OPRD1: variants seen among roughly 807,000 people sequenced by gnomAD.
OPRD1 encodes opioid receptor delta 1, also known as delta-type opioid receptor.
Under a neutral mutation model 17.5 loss-of-function variants are expected in OPRD1, and 19 were observed. The observed-to-expected ratio is 1.09, with a 90% confidence interval of 0.76 to 1.60. The LOEUF is 1.60. Ranked by LOEUF, OPRD1 falls within the 40% of genes most tolerant of loss-of-function variation. The pLI, the probability that OPRD1 is intolerant of heterozygous loss-of-function variation, is 0.00. For synonymous variants in OPRD1, 256 were observed against 240.9 expected (o/e 1.06, Z -0.58); for missense variants, 483 against 547.2 (o/e 0.88, Z 1.17).
At chr1:28,861,297 A>C (rs2089115439) in intron 2 of OPRD1, among the ~76,000 whole-genome samples, 1 of 152,024 alleles carries the variant, frequency 6.6e-6, no homozygotes, top group Non-Finnish European at 1.5e-5. Context: ...AGAATCCCAC[A>C]ACACCCCCTA....
At chr1:28,838,955 C>T (rs982320358) in intron 1 of OPRD1, among the ~76,000 whole-genome samples, 3 of 152,032 alleles carry the variant, frequency 2.0e-5, no homozygotes, top group Non-Finnish European at 4.4e-5. Flanking sequence ...GGCTGAAGTG[C>T]AATGGCTATT....
At chr1:28,823,947 G>A (rs866794742) in intron 1 of OPRD1, among the ~76,000 whole-genome samples, 15 of 148,146 alleles carry the variant, frequency 1.0e-4, no homozygotes, top group African/African-American at 3.2e-4. Flanking sequence ...GGAGGCTGAG[G>A]TGGGTGGATC....
intron 1 of OPRD1, among the ~76,000 whole-genome samples, chr1:28,855,323 C>T (rs2089046301): frequency 6.6e-6 from 1 of 152,108 alleles, no homozygotes; most frequent in Non-Finnish European, 1.5e-5. Flanking sequence ...TGGGAGCGGG[C>T]TTGACGTGTC....
rs1167412795 is a variant in OPRD1 at position 28,863,523 on chromosome 1, C to A, written c.*240C>A. Reference sequence around the variant, plus strand: ...CGCAGTGCCTCTGGTCTGGGTGCCCCGTCCACGGCTCTAGGTGGGGCGGGA... The same window carrying A: ...CGCAGTGCCTCTGGTCTGGGTGCCCAGTCCACGGCTCTAGGTGGGGCGGGA... On this transcript the variant is annotated 3_prime_UTR_variant, in exon 3 of 3. Transcript: ENST00000234961. The A allele has an allele frequency of 8.8e-6, 4 of 455,058 alleles. No homozygotes were observed. Among genetic ancestry groups the A allele is most frequent in the East Asian group, 3.7e-5 (1 of 27,226 alleles). 28.2% of individuals were successfully genotyped at this position (455,058 alleles called of 1,614,324 possible).
intron 1 of OPRD1, among the ~76,000 whole-genome samples, chr1:28,853,075 G>A (rs952355132): frequency 6.6e-6 from 1 of 152,214 alleles, no homozygotes; most frequent in Non-Finnish European, 1.5e-5. Flanking sequence ...AGGATGGAGA[G>A]AGGAACAATT....
At position 28,863,150 on chromosome 1, in the gene OPRD1, T is replaced by TC; in HGVS notation, c.988dup (p.Arg330ProfsTer56). On this transcript the variant is annotated frameshift_variant, in exon 3 of 3. Transcript: ENST00000234961. LOFTEE classifies it low-confidence loss of function (END_TRUNC). ...CTCGACGAGAACTTCAAGCGCTGCT[T>TC]CCGCCAGCTCTGCCGCAAGCCCTGC... The TC allele has an allele frequency of 6.2e-7, 1 of 1,606,300 alleles. No homozygotes were observed. The highest frequency in any genetic ancestry group is 8.5e-7 in the Non-Finnish European group (1 of 1,178,734).
intron 1 of OPRD1, among the ~76,000 whole-genome samples, chr1:28,841,488 T>G (rs1056869298): frequency 1.7e-4 from 26 of 152,232 alleles, no homozygotes; most frequent in Non-Finnish European, 3.7e-4. Context: ...CTGTGTGTTT[T>G]GGGTGAGCAT....
Position 28,867,804 on chromosome 1 carries a change from A to C in OPRD1, c.*4521A>C, listed in dbSNP as rs1248161461. 1.3e-5 allele frequency: 2 copies of C among 152,334 alleles called. No individual in the cohort carries two copies. Among genetic ancestry groups the C allele is most frequent in the African/African-American group, 4.8e-5 (2 of 41,470 alleles). 9.4% of individuals were successfully genotyped at this position (152,334 alleles called of 1,614,324 possible). ...TAGGGATAAGGCCCAGAACGTAAGTAAACTCTAAGTACATGGTAAGTGGCA... is the reference window on the plus strand; with the variant it reads ...TAGGGATAAGGCCCAGAACGTAAGTCAACTCTAAGTACATGGTAAGTGGCA... On this transcript the variant is annotated 3_prime_UTR_variant, in exon 3 of 3. Coordinates refer to ENST00000234961, the MANE Select transcript of OPRD1 (RefSeq NM_000911.4).
At position 28,859,202 on chromosome 1, in the gene OPRD1, T is replaced by G. The variant is rs1485155802; in HGVS notation, c.476T>G (p.Phe159Cys). 6.2e-7 allele frequency: 1 copy of G among 1,614,282 alleles called. No individual in the cohort carries two copies. Among genetic ancestry groups the G allele is most frequent in the Non-Finnish European group, 8.5e-7 (1 of 1,180,056 alleles). ...TGCCACCCTGTCAAGGCCCTGGACT[T>G]CCGCACGCCTGCCAAGGCCAAGCTG... Reference protein sequence around the residue: ...AVCHPVKALDFRTPAKAKLIN... With the variant: ...AVCHPVKALDCRTPAKAKLIN... The change falls in exon 2 of 3, where the codon TTC becomes TGC. Residue 159 changes from phenylalanine to cysteine, a missense_variant. Coordinates refer to ENST00000234961, the MANE Select transcript of OPRD1 (RefSeq NM_000911.4).
chr1:28,852,887 T>A (rs1312068673), intron 1 of OPRD1, among the ~76,000 whole-genome samples: 1 of 151,882 alleles, frequency 6.6e-6, no homozygotes, highest in Non-Finnish European at 1.5e-5. Context: ...CCCAGCTAAT[T>A]TTTTGTATTT....
At chr1:28,839,331 C>A (rs1333906751) in intron 1 of OPRD1, among the ~76,000 whole-genome samples, 1 of 152,156 alleles carries the variant, frequency 6.6e-6, no homozygotes, top group Non-Finnish European at 1.5e-5. Flanking sequence ...GTGTCTCTTA[C>A]AAGGACACTT....
chr1:28,825,535 G>A (rs427515), intron 1 of OPRD1, among the ~76,000 whole-genome samples: 5,049 of 152,238 alleles, frequency 0.033, 261 homozygotes, highest in African/African-American at 0.11. Context: ...ACAGGCGCAC[G>A]CCACCACATC....
chr1:28,844,142 T>C (rs929631415), intron 1 of OPRD1, among the ~76,000 whole-genome samples: 5 of 149,212 alleles, frequency 3.4e-5, no homozygotes. Context: ...TTTCTTCAAA[T>C]CCTTGCCAAT....
At position 28,866,224 on chromosome 1, in the gene OPRD1, C is replaced by G. The variant is rs1372342903; in HGVS notation, c.*2941C>G. 2 of 152,168 alleles carry G rather than the reference C, an allele frequency of 1.3e-5. No individual in the cohort carries two copies. Among genetic ancestry groups the G allele is most frequent in the African/African-American group, 4.8e-5 (2 of 41,422 alleles). 9.4% of individuals were successfully genotyped at this position (152,168 alleles called of 1,614,324 possible). On this transcript the variant is annotated 3_prime_UTR_variant, in exon 3 of 3. Coordinates refer to ENST00000234961, the MANE Select transcript of OPRD1 (RefSeq NM_000911.4). ...TGTGATGAGTGCGGTGACAGGGAGCCCCAGGGAGGGTGTCACAGGGAAGTG... is the reference window on the plus strand; with the variant it reads ...TGTGATGAGTGCGGTGACAGGGAGCGCCAGGGAGGGTGTCACAGGGAAGTG...
rs1173043377 is a variant in OPRD1 at position 28,856,700 on chromosome 1, G to C, written c.228-2254G>C. ...CCTGCCCAGGCCCTGGTGCAGAAGG[G>C]GCCATGGCTGTAAACTGGCCAAACA... On this transcript the variant is annotated intron_variant, in intron 1 of 2. Coordinates refer to ENST00000234961, the MANE Select transcript of OPRD1 (RefSeq NM_000911.4). Among the ~76,000 whole-genome samples the C allele has an allele frequency of 1.3e-5, 2 of 152,190 alleles. 1 individual carries two copies. Among genetic ancestry groups the C allele is most frequent in the Middle Eastern group, 6.3e-3 (2 of 316 alleles).
chr1:28,814,239 T>G (rs1278727541), intron 1 of OPRD1, among the ~76,000 whole-genome samples: 3 of 152,186 alleles, frequency 2.0e-5, no homozygotes, highest in Non-Finnish European at 4.4e-5. Flanking sequence ...ACTGGCTCTG[T>G]GACTTGGATG....
At position 28,862,784 on chromosome 1, in the gene OPRD1, G is replaced by A. The variant is rs2089134714; in HGVS notation, c.620G>A (p.Trp207Ter). ...ATGCTCCAGTTCCCCAGCCCCAGCT[G>A]GTACTGGGACACGGTGACCAAGATC... ...VCMLQFPSPS[W>*]YWDTVTKICV... Residue 207 changes from tryptophan to a stop codon, truncating the protein, a stop_gained, in exon 3 of 3, where the codon TGG (tryptophan) becomes TAG (stop). Coordinates refer to ENST00000234961, the MANE Select transcript of OPRD1 (RefSeq NM_000911.4). LOFTEE classifies it high-confidence loss of function. 1.9e-6 allele frequency: 3 copies of A among 1,613,216 alleles called. No individual in the cohort carries two copies. The highest frequency in any genetic ancestry group is 2.5e-6 in the Non-Finnish European group (3 of 1,179,706).
Position 28,863,041 on chromosome 1 carries a change from G to T in OPRD1, c.877G>T (p.Asp293Tyr). 6.2e-7 allele frequency: 1 copy of T among 1,606,318 alleles called. No homozygotes were observed. The highest frequency in any genetic ancestry group is 8.5e-7 in the Non-Finnish European group (1 of 1,176,472). Reference sequence around the variant, plus strand: ...GACGCTGGTGGACATCGACCGGCGCGACCCGCTGGTGGTGGCTGCGCTGCA... The same window carrying T: ...GACGCTGGTGGACATCGACCGGCGCTACCCGCTGGTGGTGGCTGCGCTGCA... Reference protein sequence around the residue: ...VWTLVDIDRRDPLVVAALHLC... With the variant: ...VWTLVDIDRRYPLVVAALHLC... Residue 293 changes from aspartate (D) to tyrosine (Y), a missense_variant, in exon 3 of 3, where the codon GAC (aspartate) becomes TAC (tyrosine). Coordinates refer to ENST00000234961, the MANE Select transcript of OPRD1 (RefSeq NM_000911.4).
intron 2 of OPRD1, among the ~76,000 whole-genome samples, chr1:28,862,112 T>A (rs796696860): frequency 1.8e-4 from 28 of 151,708 alleles, no homozygotes; most frequent in African/African-American, 6.8e-4. Flanking sequence ...AGAGATGGGG[T>A]TTTACCGTGT....
Sources: allele counts gnomAD v4.1 joint callset (sites outside exome capture counted in the v4.1 genomes callset), GRCh38; gene constraint gnomAD v4.1.1; transcripts MANE v1.5; gene names NCBI Gene and HGNC (gene_info 2026-07-23, HGNC 2026-07-21).